The following CLIP2 variants were observed in gnomAD, a reference collection of about 807,000 sequenced individuals.
The protein encoded by CLIP2 is CAP-Gly domain-containing linker protein 2.
CLIP2 carries 41 observed loss-of-function variants against 111.7 expected under a neutral mutation model. The observed-to-expected ratio is 0.37, with a 90% CI of 0.29 to 0.48. The LOEUF (loss-of-function observed/expected upper bound fraction) is 0.48, where lower values mean the gene tolerates loss of function less well. Among genes scored for constraint, CLIP2 ranks in the 20% least tolerant of loss-of-function variants. The probability of loss-of-function intolerance (pLI) is 0.99; values close to 1 mark genes in which losing one functional copy is unlikely to be tolerated. For synonymous variants in CLIP2, 660 were observed against 644.2 expected (o/e 1.02, Z -0.37); for missense variants, 1,160 against 1,422.1 (o/e 0.82, Z 2.96).
At chr7:74,301,087 A>C (rs564527989) in intron 1 of CLIP2, among the ~76,000 whole-genome samples, 23 of 152,286 alleles carry the variant, frequency 1.5e-4, no homozygotes, top group African/African-American at 5.5e-4. Context: ...ATCCTCTCCA[A>C]CATGCATTGT....
At chr7:74,371,115 G>A (rs534509594) in intron 8 of CLIP2, among the ~76,000 whole-genome samples, 1 of 152,128 alleles carries the variant, frequency 6.6e-6, no homozygotes, top group East Asian at 1.9e-4. Flanking sequence ...ATGATGGTAG[G>A]CACCTGTAAT....
rs1184859813 is a variant in CLIP2 at position 74,401,494 on chromosome 7, A to G, written c.3067-11A>G. On this transcript the variant is annotated splice_polypyrimidine_tract_variant and intron_variant, in intron 15 of 16. Transcript: ENST00000223398. ...GTGCACCTGGCTCAGTGTCTCCCCTAACTCTTCCAGACCATCGGCAATTCC... is the reference window on the plus strand; with the variant it reads ...GTGCACCTGGCTCAGTGTCTCCCCTGACTCTTCCAGACCATCGGCAATTCC... 2.5e-6 allele frequency: 4 copies of G among 1,613,722 alleles called. No homozygotes were observed. Among genetic ancestry groups the G allele is most frequent in the Non-Finnish European group, 3.4e-6 (4 of 1,179,876 alleles).
intron 1 of CLIP2, among the ~76,000 whole-genome samples, chr7:74,307,192 TCTC>T (rs1554727875): frequency 6.6e-6 from 1 of 152,134 alleles, no homozygotes; most frequent in African/African-American, 2.4e-5. Context: ...CCGCCTTGGT[TCTC>T]CTCTCCTGCC....
At position 74,357,268 on chromosome 7, in the gene CLIP2, AC is replaced by A. The variant is rs1554308638; in HGVS notation, c.1018-10del. 1.2e-6 allele frequency: 2 copies of A among 1,613,402 alleles called. No homozygotes were observed. Among genetic ancestry groups the A allele is most frequent in the East Asian group, 4.5e-5 (2 of 44,880 alleles). On this transcript the variant is annotated splice_polypyrimidine_tract_variant and intron_variant, in intron 5 of 16. Transcript: ENST00000223398. Reference sequence around the variant, plus strand: ...ATCCCTGAGACCCGCCTGCATCCACACCTTCCTGCAGCTCACGGAGACCTCT... The same window carrying A: ...ATCCCTGAGACCCGCCTGCATCCACACTTCCTGCAGCTCACGGAGACCTCT...
chr7:74,375,412 G>A (rs913091208), intron 9 of CLIP2, among the ~76,000 whole-genome samples: 4 of 151,762 alleles, frequency 2.6e-5, no homozygotes, highest in South Asian at 2.1e-4. Flanking sequence ...TTCCCCAGGC[G>A]CATGGTGGTG....
At chr7:74,387,902 G>A (rs1554315094) in intron 12 of CLIP2, among the ~76,000 whole-genome samples, 1 of 152,200 alleles carries the variant, frequency 6.6e-6, no homozygotes, top group Non-Finnish European at 1.5e-5. Flanking sequence ...AAATTATGCA[G>A]TGGAGGCCGT....
intron 1 of CLIP2, among the ~76,000 whole-genome samples, chr7:74,293,135 G>A (rs1170170350): frequency 6.6e-6 from 1 of 152,178 alleles, no homozygotes; most frequent in African/African-American, 2.4e-5. Flanking sequence ...GTGTGGGGGT[G>A]CCCTCCGATC....
intron 1 of CLIP2, among the ~76,000 whole-genome samples, chr7:74,304,406 A>G (rs1225735006): frequency 6.6e-6 from 1 of 151,918 alleles, no homozygotes; most frequent in African/African-American, 2.4e-5. Context: ...GATGCCTGTA[A>G]TCCCAGCTAC....
At chr7:74,303,911 C>A (rs1248569393) in intron 1 of CLIP2, among the ~76,000 whole-genome samples, 572 of 124,464 alleles carry the variant, frequency 4.6e-3, no homozygotes, top group Non-Finnish European at 5.8e-3. Flanking sequence ...GACTCGGTCT[C>A]AAAAAAAAAA....
intron 2 of CLIP2, among the ~76,000 whole-genome samples, chr7:74,318,825 A>G (rs1165280143): frequency 6.6e-6 from 1 of 152,212 alleles, no homozygotes; most frequent in African/African-American, 2.4e-5. Context: ...AGGATAGGTC[A>G]CTGCCCATCT....
intron 13 of CLIP2, chr7:74,389,476 G>A: frequency 2.3e-6 from 1 of 444,318 alleles, no homozygotes; most frequent in Non-Finnish European, 3.9e-6. Flanking sequence ...AAAGAGTAGG[G>A]CCAGGCACAG....
Position 74,289,426 on chromosome 7 carries a change from G to A in CLIP2, c.-376G>A, listed in dbSNP as rs1357258181. On this transcript the variant is annotated 5_prime_UTR_variant, in exon 1 of 17. Coordinates refer to ENST00000223398, the MANE Select transcript of CLIP2 (RefSeq NM_003388.5). ...CCGGCCCCTTTTGTTCCCTCCCGGA[G>A]CCGGGCCGCTGGCTCCGCTGGCTCC... is the stretch of plus-strand genomic sequence containing the variant. 6.7e-6 allele frequency: 1 copy of A among 150,354 alleles called. No homozygotes were observed. The highest frequency in any genetic ancestry group is 1.5e-5 in the Non-Finnish European group (1 of 67,388). 9.3% of individuals were successfully genotyped at this position (150,354 alleles called of 1,614,324 possible). A position where few individuals can be genotyped will look rare whatever the true frequency, so the allele number is the denominator to read the frequency against.
intron 2 of CLIP2, among the ~76,000 whole-genome samples, chr7:74,332,780 C>T (rs1047494957): frequency 6.6e-6 from 1 of 152,188 alleles, no homozygotes. Flanking sequence ...CAGTTACGCA[C>T]ATGGCGTGGC....
chr7:74,312,662 C>T (rs566333873), intron 1 of CLIP2, among the ~76,000 whole-genome samples: 4 of 152,250 alleles, frequency 2.6e-5, no homozygotes, highest in South Asian at 2.1e-4. Flanking sequence ...CAGCCTTGTA[C>T]CCCAGCATGA....
rs148374685 is a variant in CLIP2 at position 74,337,997 on chromosome 7, A to G, written c.122-451A>G. 1.5e-3 allele frequency among the ~76,000 whole-genome samples: 226 copies of G among 152,182 alleles called. 2 individuals are homozygous for G. The highest frequency in any genetic ancestry group is 5.2e-3 in the African/African-American group (217 of 41,538). On this transcript the variant is annotated intron_variant, in intron 2 of 16. Coordinates refer to ENST00000223398, the MANE Select transcript of CLIP2 (RefSeq NM_003388.5). Reference sequence around the variant, plus strand: ...GGACCTGCCCAAGACCACACAGCCAACCATTCCTGCCTCGGTTTCCATGGC... The same window carrying G: ...GGACCTGCCCAAGACCACACAGCCAGCCATTCCTGCCTCGGTTTCCATGGC...
At chr7:74,295,518 G>A (rs1350167554) in intron 1 of CLIP2, among the ~76,000 whole-genome samples, 1 of 152,100 alleles carries the variant, frequency 6.6e-6, no homozygotes, top group African/African-American at 2.4e-5. Context: ...GTTCCCTTTT[G>A]TAATGTAGGC....
chr7:74,350,608 T>C (rs2116592108), intron 3 of CLIP2, among the ~76,000 whole-genome samples: 1 of 152,034 alleles, frequency 6.6e-6, no homozygotes, highest in African/African-American at 2.4e-5. Flanking sequence ...CTCACGCCTG[T>C]AATTCCAGCA....
chr7:74,328,919 A>G (rs1357248123), intron 2 of CLIP2, among the ~76,000 whole-genome samples: 3 of 148,454 alleles, frequency 2.0e-5, no homozygotes, highest in African/African-American at 7.4e-5. Flanking sequence ...ATTTATATAT[A>G]TATATATTTT....
rs540556434 is a variant in CLIP2, at chr7:74,358,841, G to A, written c.1216-1334G>A. On this transcript the variant is annotated intron_variant, in intron 6 of 16. Coordinates refer to ENST00000223398, the MANE Select transcript of CLIP2 (RefSeq NM_003388.5). ...CCACCTTGGTCTCTCAAAGCACCGC[G>A]ATTATAGGCATAAGCCATCGTGCCC... Among the ~76,000 whole-genome samples, 25 of 152,232 alleles carry A rather than the reference G, an allele frequency of 1.6e-4. 1 individual carries two copies. The South Asian group carries it at 4.6e-3, about 28-fold the overall frequency.
Sources: gnomAD v4.1 joint callset for allele counts (sites outside exome capture counted in the v4.1 genomes callset) on GRCh38, gnomAD v4.1.1 for gene constraint, MANE v1.5 for transcripts, NCBI Gene and HGNC (gene_info 2026-07-23, HGNC 2026-07-21) for gene names.